Variants in SH3BGRL observed in about 807,000 individuals in gnomAD.
The protein encoded by SH3BGRL is adapter SH3BGRL.
SH3BGRL carries 7 observed loss-of-function variants against 9.8 expected under a neutral mutation model. The ratio of observed to expected loss-of-function variants is 0.72; its 90% confidence interval spans 0.41 to 1.35. The LOEUF (loss-of-function observed/expected upper bound fraction) is 1.35, where lower values mean the gene tolerates loss of function less well. Among genes scored for constraint, SH3BGRL ranks in the 40% most tolerant of loss-of-function variants. The pLI is 0.01. For missense variants in SH3BGRL, 73 were observed against 84.4 expected (o/e 0.86, Z 0.53); for synonymous variants, 36 against 29.1 (o/e 1.24, Z -0.76).
chrX:81,231,076 G>A (rs2075631557), intron 1 of SH3BGRL, among the ~76,000 whole-genome samples: 1 of 112,232 alleles, frequency 8.9e-6, no homozygotes, highest in South Asian at 3.7e-4. Context: ...TCTTGAAGGA[G>A]AGAAGTCAGA....
At chrX:81,269,502 C>T (rs1314009858) in intron 1 of SH3BGRL, among the ~76,000 whole-genome samples, 2 of 111,625 alleles carry the variant, frequency 1.8e-5, no homozygotes, top group Non-Finnish European at 3.8e-5. Context: ...ATATGAAATT[C>T]TGGATTGAAA....
intron 1 of SH3BGRL, among the ~76,000 whole-genome samples, chrX:81,224,623 A>T (rs2075610976): frequency 9.0e-6 from 1 of 111,690 alleles, no homozygotes. Flanking sequence ...AATCAAGAAT[A>T]GATACTAGAA....
intron 1 of SH3BGRL, among the ~76,000 whole-genome samples, chrX:81,213,932 T>TA (rs752070247): frequency 3.5e-4 from 39 of 111,719 alleles, no homozygotes; most frequent in Non-Finnish European, 4.7e-4. Context: ...GTCATTTATG[T>TA]ATAGGTGCTA....
chrX:81,271,648 T>C (rs2075780086), intron 1 of SH3BGRL, among the ~76,000 whole-genome samples: 2 of 110,846 alleles, frequency 1.8e-5, no homozygotes, highest in South Asian at 7.6e-4. Context: ...ATGGGGAGAA[T>C]GGAAACAAGT....
intron 3 of SH3BGRL, among the ~76,000 whole-genome samples, chrX:81,284,423 G>A (rs1023868698): frequency 1.8e-5 from 2 of 110,451 alleles, no homozygotes; most frequent in African/African-American, 6.6e-5. Context: ...AAAAGTTACA[G>A]GATTTAGGAA....
chrX:81,241,153 G>A (rs1463243255), intron 1 of SH3BGRL, among the ~76,000 whole-genome samples: 2 of 112,475 alleles, frequency 1.8e-5, no homozygotes, highest in African/African-American at 6.5e-5. Context: ...CTGGGTGTGT[G>A]CATGATTGGG....
intron 1 of SH3BGRL, among the ~76,000 whole-genome samples, chrX:81,260,048 C>A (rs866244989): frequency 9.0e-6 from 1 of 111,396 alleles, no homozygotes; most frequent in Middle Eastern, 4.6e-3. Flanking sequence ...CCTAAAAAAA[C>A]CTATGGTGTA....
chrX:81,235,572 A>G (rs1173796651), intron 1 of SH3BGRL, among the ~76,000 whole-genome samples: 1 of 111,422 alleles, frequency 9.0e-6, no homozygotes, highest in Non-Finnish European at 1.9e-5. Context: ...CTCTACCCAG[A>G]GTAGTGTTTT....
intron 1 of SH3BGRL, among the ~76,000 whole-genome samples, chrX:81,254,252 T>C (rs1000278185): frequency 8.9e-6 from 1 of 112,041 alleles, no homozygotes; most frequent in African/African-American, 3.2e-5. Context: ...TGTTTGCTAG[T>C]TGGTTAACTT....
At chrX:81,253,956 A>G (rs1397868339) in intron 1 of SH3BGRL, among the ~76,000 whole-genome samples, 1 of 111,462 alleles carries the variant, frequency 9.0e-6, no homozygotes, top group Non-Finnish European at 1.9e-5. Context: ...AGGATCAGGA[A>G]GCAGGTAAAA....
intron 3 of SH3BGRL, among the ~76,000 whole-genome samples, chrX:81,280,373 A>G (rs1459264750): frequency 8.9e-6 from 1 of 111,813 alleles, no homozygotes; most frequent in East Asian, 2.8e-4. Flanking sequence ...CAGCATAAAA[A>G]TAGAGCATTA....
chrX:81,293,228 C>T (rs924199823), intron 3 of SH3BGRL, among the ~76,000 whole-genome samples: 23 of 112,214 alleles, frequency 2.0e-4, no homozygotes, highest in Non-Finnish European at 3.4e-4. Context: ...TTTCTCCTCC[C>T]CCATGATTTT....
chrX:81,208,714 C>T (rs998400345), intron 1 of SH3BGRL, among the ~76,000 whole-genome samples: 4 of 111,460 alleles, frequency 3.6e-5, no homozygotes, highest in South Asian at 3.7e-4. Flanking sequence ...TTTAGAGAGA[C>T]GAGGCGGTTC....
At chrX:81,253,147 T>C (rs2075715883) in intron 1 of SH3BGRL, among the ~76,000 whole-genome samples, 1 of 112,003 alleles carries the variant, frequency 8.9e-6, no homozygotes, top group African/African-American at 3.2e-5. Flanking sequence ...AATGAGGCCA[T>C]GGTTTACTTT....
At chrX:81,272,448 C>A (rs1375234418) in intron 1 of SH3BGRL, among the ~76,000 whole-genome samples, 1 of 110,090 alleles carries the variant, frequency 9.1e-6, no homozygotes, top group Non-Finnish European at 1.9e-5. Context: ...ACTGTTAAAT[C>A]ATTTGACACA....
chrX:81,206,331 T>C (rs768844472), intron 1 of SH3BGRL, among the ~76,000 whole-genome samples: 1 of 111,893 alleles, frequency 8.9e-6, no homozygotes, highest in East Asian at 2.8e-4. Flanking sequence ...ATAATAATGA[T>C]AGTCAGTAGA....
At chrX:81,230,988 C>G (rs749371512) in intron 1 of SH3BGRL, among the ~76,000 whole-genome samples, 1 of 111,927 alleles carries the variant, frequency 8.9e-6, no homozygotes, top group Non-Finnish European at 1.9e-5. Context: ...AATTGGGTCA[C>G]TGAATCAGTG....
intron 1 of SH3BGRL, among the ~76,000 whole-genome samples, chrX:81,263,743 G>T (rs1010324801): frequency 5.4e-5 from 6 of 110,575 alleles, no homozygotes; most frequent in Non-Finnish European, 9.5e-5. Flanking sequence ...AGTTCGTTGG[G>T]CATTTTTTTT....
intron 3 of SH3BGRL, among the ~76,000 whole-genome samples, chrX:81,283,058 A>AT (rs2075822999): frequency 8.9e-6 from 1 of 112,148 alleles, no homozygotes; most frequent in East Asian, 2.8e-4. Flanking sequence ...CGCATAAACT[A>AT]GAAAACCTAG....
Sources: gnomAD v4.1 joint callset for allele counts (sites outside exome capture counted in the v4.1 genomes callset) on GRCh38, gnomAD v4.1.1 for gene constraint, MANE v1.5 for transcripts, NCBI Gene and HGNC (gene_info 2026-07-23, HGNC 2026-07-21) for gene names.